The following EXT1 variants were observed in gnomAD, a reference collection of about 807,000 sequenced individuals.
EXT1 encodes exostosin-1.
EXT1 carries 20 observed loss-of-function variants against 82.5 expected under a neutral mutation model. The observed-to-expected ratio is 0.24, with a 90% confidence interval of 0.17 to 0.35. The LOEUF (loss-of-function observed/expected upper bound fraction) is 0.35, where lower values mean the gene tolerates loss of function less well. Among genes scored for constraint, EXT1 ranks in the 10% least tolerant of loss-of-function variants. EXT1 has a pLI of 1.00. For missense variants in EXT1, 757 were observed against 936.5 expected (o/e 0.81, Z 2.50); for synonymous variants, 348 against 350.8 (o/e 0.99, Z 0.09).
chr8:118,030,482 TTTTG>T (rs1332161659), intron 1 of EXT1, among the ~76,000 whole-genome samples: 2 of 152,076 alleles, frequency 1.3e-5, no homozygotes, highest in Non-Finnish European at 2.9e-5. Flanking sequence ...AGAGGGTTTT[TTTTG>T]TTTGTTTGTT....
chr8:117,963,920 T>G (rs975280040), intron 1 of EXT1, among the ~76,000 whole-genome samples: 7 of 152,202 alleles, frequency 4.6e-5, no homozygotes, highest in Admixed American at 1.3e-4. Flanking sequence ...ATATGGAGAT[T>G]TTATTACATG....
chr8:117,946,654 C>A (rs565252893), intron 1 of EXT1, among the ~76,000 whole-genome samples: 15 of 144,422 alleles, frequency 1.0e-4, no homozygotes, highest in Non-Finnish European at 2.1e-4. Context: ...GAGGACCAGT[C>A]GTGGGCTCCT....
At chr8:117,901,851 C>G (rs1032018984) in intron 1 of EXT1, among the ~76,000 whole-genome samples, 11 of 152,154 alleles carry the variant, frequency 7.2e-5, no homozygotes, top group African/African-American at 2.6e-4. Flanking sequence ...TATGCACCAC[C>G]ACACCTGGCT....
At chr8:117,924,182 C>T (rs1813913184) in intron 1 of EXT1, among the ~76,000 whole-genome samples, 1 of 152,148 alleles carries the variant, frequency 6.6e-6, no homozygotes, top group African/African-American at 2.4e-5. Flanking sequence ...TGGGAAAATT[C>T]CCTTCTCTGT....
chr8:118,016,829 C>T (rs1017827657), intron 1 of EXT1, among the ~76,000 whole-genome samples: 3 of 152,198 alleles, frequency 2.0e-5, no homozygotes, highest in Middle Eastern at 3.2e-3. Flanking sequence ...ACAAGCCAAG[C>T]TTTCCATGCC....
chr8:117,957,530 G>A (rs977433509), intron 1 of EXT1, among the ~76,000 whole-genome samples: 8 of 152,206 alleles, frequency 5.3e-5, no homozygotes, highest in African/African-American at 1.2e-4. Context: ...CCCTTGGCAC[G>A]GGCCTGGCTC....
intron 1 of EXT1, among the ~76,000 whole-genome samples, chr8:117,946,795 C>T (rs1006301192): frequency 1.2e-4 from 18 of 149,550 alleles, no homozygotes; most frequent in African/African-American, 4.4e-4. Context: ...TGGCACCGTT[C>T]GGAGGGATTT....
At chr8:118,013,372 C>T (rs975326537) in intron 1 of EXT1, among the ~76,000 whole-genome samples, 1 of 152,140 alleles carries the variant, frequency 6.6e-6, no homozygotes, top group Non-Finnish European at 1.5e-5. Flanking sequence ...CTGCGCCCAA[C>T]TAATTTTTGT....
chr8:117,987,490 C>T (rs1429164219), intron 1 of EXT1, among the ~76,000 whole-genome samples: 1 of 152,218 alleles, frequency 6.6e-6, no homozygotes, highest in African/African-American at 2.4e-5. Flanking sequence ...TCGTGGCTCA[C>T]AGCCTAGCAC....
rs1018787960 is a variant in EXT1, at chr8:118,110,855, G to A, written c.192C>T (p.Pro64=). The A allele has an allele frequency of 1.2e-6, 2 of 1,612,844 alleles. No homozygotes were observed. Among genetic ancestry groups the A allele is most frequent in the Non-Finnish European group, 1.7e-6 (2 of 1,178,988 alleles). ...TTTCCAATTGATCCCAAGGAACGAA[G>A]GGGCGCAGAGCGTCCGGGAAGCGGG... ...FWPRFPDALR[P]FVPWDQLENE... The change falls in exon 1 of 11, where the codon CCC becomes CCT. Residue 64 remains proline (P), a synonymous_variant. Transcript: ENST00000378204.
At chr8:117,944,928 G>C (rs529807178) in intron 1 of EXT1, among the ~76,000 whole-genome samples, 17 of 151,982 alleles carry the variant, frequency 1.1e-4, no homozygotes, top group Admixed American at 9.2e-4. Context: ...TTTGGGAGGC[G>C]GAGGCGGGCG....
intron 1 of EXT1, among the ~76,000 whole-genome samples, chr8:117,909,450 C>G (rs578232600): frequency 1.3e-5 from 2 of 152,188 alleles, no homozygotes; most frequent in South Asian, 2.1e-4. Flanking sequence ...GTTTGTGGAC[C>G]AGCAGAGATT....
chr8:118,094,524 G>A (rs1231443882), intron 1 of EXT1, among the ~76,000 whole-genome samples: 1 of 152,208 alleles, frequency 6.6e-6, no homozygotes, highest in Non-Finnish European at 1.5e-5. Flanking sequence ...GGAACAGACA[G>A]AATAATAATG....
chr8:117,802,442 T>C (rs1037978181), intron 10 of EXT1, among the ~76,000 whole-genome samples: 3 of 152,242 alleles, frequency 2.0e-5, no homozygotes, highest in Non-Finnish European at 4.4e-5. Flanking sequence ...ACCATATTTT[T>C]ATTGTACCTT....
At chr8:117,835,314 T>C (rs1812170811) in intron 3 of EXT1, 130 bp downstream of exon 3, 2 of 726,268 alleles carry the variant, frequency 2.8e-6, no homozygotes, top group South Asian at 1.5e-5. Context: ...ATATTCACCA[T>C]GACACAGGTA....
chr8:118,059,726 T>C (rs546419636), intron 1 of EXT1, among the ~76,000 whole-genome samples: 1 of 152,240 alleles, frequency 6.6e-6, no homozygotes, highest in Admixed American at 6.5e-5. Context: ...TCAAGACCTT[T>C]ACTTCCGCCA....
intron 3 of EXT1, among the ~76,000 whole-genome samples, chr8:117,832,317 A>G (rs1264713266): frequency 2.0e-5 from 3 of 152,128 alleles, no homozygotes; most frequent in African/African-American, 7.2e-5. Context: ...CGAGTTCAGG[A>G]GTTCAAGACC....
intron 7 of EXT1, among the ~76,000 whole-genome samples, chr8:117,817,697 G>GC (rs1586995611): frequency 6.6e-6 from 1 of 152,094 alleles, no homozygotes; most frequent in African/African-American, 2.4e-5. Context: ...GAGACACAGC[G>GC]CAATTCAGCT....
chr8:117,813,866 T>C (rs1436270873), intron 7 of EXT1, among the ~76,000 whole-genome samples: 2 of 151,432 alleles, frequency 1.3e-5, no homozygotes, highest in Admixed American at 1.3e-4. Context: ...ATTAGCCAGG[T>C]GTGGTGGTGC....
Sources: gnomAD v4.1 joint callset for allele counts (sites outside exome capture counted in the v4.1 genomes callset) on GRCh38, gnomAD v4.1.1 for gene constraint, MANE v1.5 for transcripts, NCBI Gene and HGNC (gene_info 2026-07-23, HGNC 2026-07-21) for gene names.